PDS5B: variants seen among roughly 807,000 people sequenced by gnomAD.
PDS5B encodes the protein sister chromatid cohesion protein PDS5 homolog B.
In PDS5B, 51 loss-of-function variants were observed where a neutral mutation model predicts 184.1. The ratio of observed to expected loss-of-function variants is 0.28; its 90% CI spans 0.22 to 0.35. The LOEUF is 0.35. PDS5B is among the 10% of genes least tolerant of loss of function. The pLI is 1.00. For synonymous variants in PDS5B, 566 were observed against 569.2 expected, an observed-to-expected ratio of 0.99 and a Z score of 0.08; for missense variants, 1,180 against 1,723.3, an observed-to-expected ratio of 0.68 and a Z score of 5.58.
intron 13 of PDS5B, chr13:32,691,372 AT>A (rs1951544834): frequency 6.6e-6 from 1 of 152,058 alleles, no homozygotes; most frequent in Non-Finnish European, 1.5e-5. Context: ...GCACTATTTC[AT>A]TAATCCATGA....
chr13:32,619,561 TTACTG>T (rs1169809070), intron 1 of PDS5B, among the ~76,000 whole-genome samples: 3 of 152,188 alleles, frequency 2.0e-5, no homozygotes, highest in African/African-American at 4.8e-5. Context: ...GCCTAGAACA[TTACTG>T]TACACTACCA....
intron 10 of PDS5B, among the ~76,000 whole-genome samples, chr13:32,681,703 T>C (rs1054388755): frequency 7.9e-5 from 12 of 151,872 alleles, no homozygotes; most frequent in Non-Finnish European, 1.5e-4. Context: ...TTAAACCCCA[T>C]ATACCCTGTT....
At chr13:32,603,069 C>A (rs887724946) in intron 1 of PDS5B, among the ~76,000 whole-genome samples, 1 of 152,184 alleles carries the variant, frequency 6.6e-6, no homozygotes, top group Admixed American at 6.5e-5. Flanking sequence ...ATGGTAGTTT[C>A]TTTTGCTGTG....
At chr13:32,673,159 A>G in intron 7 of PDS5B, 57 bp from the exon 8 acceptor site, 2 of 1,456,338 alleles carry the variant, frequency 1.4e-6, no homozygotes, top group South Asian at 2.4e-5. Flanking sequence ...AGATTTTAAA[A>G]CATTCAACTT....
chr13:32,615,505 G>A (rs1364241829), intron 1 of PDS5B, among the ~76,000 whole-genome samples: 2 of 152,112 alleles, frequency 1.3e-5, no homozygotes, highest in East Asian at 3.8e-4. Flanking sequence ...AGAATAGATG[G>A]CTCCTACTGG....
At chr13:32,618,505 C>T (rs1003035214) in intron 1 of PDS5B, among the ~76,000 whole-genome samples, 1 of 143,226 alleles carries the variant, frequency 7.0e-6, no homozygotes, top group Non-Finnish European at 1.6e-5. Context: ...ACTACTGGCC[C>T]ATTACTGTGT....
intron 6 of PDS5B, among the ~76,000 whole-genome samples, chr13:32,660,585 C>T (rs993320337): frequency 3.3e-5 from 5 of 152,198 alleles, no homozygotes; most frequent in Non-Finnish European, 7.4e-5. Flanking sequence ...CAAGACAAAC[C>T]CTCCTAGACA....
At chr13:32,618,256 A>G (rs1338825313) in intron 1 of PDS5B, among the ~76,000 whole-genome samples, 12 of 152,366 alleles carry the variant, frequency 7.9e-5, no homozygotes, top group Non-Finnish European at 4.4e-5. Flanking sequence ...ACTTTAAAAA[A>G]AAATCAGTTT....
intron 14 of PDS5B, 83 bp from the exon 15 acceptor site, chr13:32,696,771 A>G: frequency 2.2e-6 from 2 of 891,078 alleles, no homozygotes; most frequent in East Asian, 2.4e-5. Context: ...TTAGTGGGTT[A>G]TGCTTGTCTA....
chr13:32,604,990 G>A (rs2140492757), intron 1 of PDS5B, among the ~76,000 whole-genome samples: 1 of 152,230 alleles, frequency 6.6e-6, no homozygotes, highest in East Asian at 1.9e-4. Context: ...CTTGCTAGCA[G>A]TCTATGAATT....
intron 18 of PDS5B, 94 bp from the exon 19 acceptor site, chr13:32,709,852 C>T: frequency 4.1e-6 from 3 of 723,562 alleles, no homozygotes; most frequent in Non-Finnish European, 5.9e-6. Flanking sequence ...TTTTAATAGA[C>T]TTTGATTTAT....
At chr13:32,691,573 AT>A (rs1213021487) in intron 13 of PDS5B, among the ~76,000 whole-genome samples, 3 of 152,132 alleles carry the variant, frequency 2.0e-5, no homozygotes, top group Middle Eastern at 3.2e-3. Flanking sequence ...ACTTATTGAA[AT>A]CACCCTGGGA....
At chr13:32,640,473 C>T (rs1295588246) in intron 1 of PDS5B, among the ~76,000 whole-genome samples, 1 of 152,122 alleles carries the variant, frequency 6.6e-6, no homozygotes, top group African/African-American at 2.4e-5. Flanking sequence ...TCTCAAACTC[C>T]TGACCTCAGG....
Position 32,753,425 on chromosome 13 carries a change from G to A in PDS5B, c.2830G>A (p.Ala944Thr). ...RLPLEYMAIC[A>T]LCAKDPVKER... ...TCCACTTGAGTATATGGCAATCTGT[G>A]CCCTTTGTGCAAAAGATCCTGTAAA... Residue 944 changes from alanine (A) to threonine (T), a missense_variant, in exon 25 of 35, where the codon GCC (alanine) becomes ACC (threonine). Coordinates refer to ENST00000315596, the MANE Select transcript of PDS5B (RefSeq NM_015032.4). 6.2e-7 allele frequency: 1 copy of A among 1,613,878 alleles called. No individual in the cohort carries two copies. Among genetic ancestry groups the A allele is most frequent in the Non-Finnish European group, 8.5e-7 (1 of 1,179,800 alleles).
chr13:32,668,750 C>T (rs1403477408), intron 7 of PDS5B, among the ~76,000 whole-genome samples: 5 of 152,078 alleles, frequency 3.3e-5, no homozygotes, highest in Admixed American at 3.3e-4. Context: ...ATGCATTCTC[C>T]TAAAATTTGA....
At chr13:32,648,145 G>A (rs149855292) in intron 1 of PDS5B, among the ~76,000 whole-genome samples, 57 of 152,322 alleles carry the variant, frequency 3.7e-4, no homozygotes, top group African/African-American at 1.2e-3. Context: ...TTCCCTCTAG[G>A]GGGTGGGGCT....
intron 9 of PDS5B, among the ~76,000 whole-genome samples, chr13:32,676,926 T>A (rs1270541502): frequency 9.7e-6 from 1 of 103,216 alleles, no homozygotes; most frequent in Non-Finnish European, 1.9e-5. Flanking sequence ...GCGAGACTCT[T>A]GTCTCCAAAA....
At chr13:32,745,524 C>G (rs529759306) in intron 23 of PDS5B, among the ~76,000 whole-genome samples, 5 of 152,288 alleles carry the variant, frequency 3.3e-5, no homozygotes, top group African/African-American at 1.2e-4. Flanking sequence ...CTGTATTAGC[C>G]TGCTCAGACT....
At chr13:32,741,186 T>G in intron 22 of PDS5B, 38 bp downstream of exon 22, 1 of 1,044,052 alleles carries the variant, frequency 9.6e-7, no homozygotes, top group Non-Finnish European at 1.4e-6. Context: ...TTTAATATAA[T>G]CACCACATTG....
Sources: gnomAD v4.1 joint callset for allele counts (sites outside exome capture counted in the v4.1 genomes callset) on GRCh38, gnomAD v4.1.1 for gene constraint, MANE v1.5 for transcripts, NCBI Gene and HGNC (gene_info 2026-07-23, HGNC 2026-07-21) for gene names.